The following VPS13A variants were observed in gnomAD, a reference collection of about 807,000 sequenced individuals.
VPS13A encodes the protein vacuolar protein sorting 13 homolog A, also known as intermembrane lipid transfer protein VPS13A.
VPS13A carries 264 observed loss-of-function variants against 390.9 expected under a neutral mutation model. The observed-to-expected ratio is 0.68, with a 90% confidence interval of 0.61 to 0.75. The LOEUF is 0.75. Ranked by LOEUF, VPS13A falls within the 30% of genes least tolerant of loss-of-function variation. The pLI, the probability that VPS13A is intolerant of heterozygous loss-of-function variation, is 0.00. For missense variants in VPS13A, 3,409 were observed against 3,733.9 expected, an observed-to-expected ratio of 0.91 and a Z score of 2.27; for synonymous variants, 1,231 against 1,227.1, an observed-to-expected ratio of 1.00 and a Z score of -0.07.
chr9:77,356,978 C>A, intron 55 of VPS13A, 111 bp downstream of exon 55: 1 of 1,164,750 alleles, frequency 8.6e-7, no homozygotes, highest in Non-Finnish European at 1.2e-6. Flanking sequence ...CAAAATAATC[C>A]TGTCATACAT....
chr9:77,286,956 C>T (rs1178694609), intron 31 of VPS13A, among the ~76,000 whole-genome samples: 1 of 151,960 alleles, frequency 6.6e-6, no homozygotes, highest in Non-Finnish European at 1.5e-5. Flanking sequence ...CCTGAAGTCT[C>T]CTAGACCACA....
rs1241227691 is a variant in VPS13A, at chr9:77,323,095, G to T, written c.5859G>T (p.Lys1953Asn). ...CTGTTAACCATTCTACTGCTGATAA[G>T]ATTCCTTTAACAAAAGTGGGACGAC... Reference protein sequence around the residue: ...LTPVNHSTADKIPLTKVGRRL... With the variant: ...LTPVNHSTADNIPLTKVGRRL... Residue 1953 changes from lysine to asparagine, a missense_variant, in exon 45 of 72, where the codon AAG (lysine) becomes AAT (asparagine). Transcript: ENST00000360280. 1.9e-6 allele frequency: 3 copies of T among 1,612,864 alleles called. No homozygotes were observed. The East Asian group carries it at 6.7e-5, about 36-fold the overall frequency.
chr9:77,272,244 G>A (rs181300191), intron 23 of VPS13A, among the ~76,000 whole-genome samples: 1 of 152,294 alleles, frequency 6.6e-6, no homozygotes, highest in Non-Finnish European at 1.5e-5. Context: ...GCATTGTGAG[G>A]ATATGGAGAG....
At chr9:77,214,245 C>T in intron 9 of VPS13A, 84 bp from the exon 10 acceptor site, 1 of 1,217,624 alleles carries the variant, frequency 8.2e-7, no homozygotes, top group Non-Finnish European at 1.2e-6. Context: ...CACTGCCCTC[C>T]AGCCTGGGTG....
rs755859116 is a variant in VPS13A, at chr9:77,405,959, A to G, written c.9371A>G (p.His3124Arg). ...TTTACCAAAGAGCCATTCATTGTTC[A>G]TGGGAGAAGATTGCGCATTGAAGCA... ...DEFTKEPFIVHGRRLRIEAKE... is the reference protein window; with the variant it reads ...DEFTKEPFIVRGRRLRIEAKE... The change falls in exon 70 of 72, where the codon CAT becomes CGT. Residue 3124 changes from histidine to arginine, a missense_variant. This residue lies in a region of VPS13A where 318 missense variants were observed against 333.7 expected (regional missense o/e 0.95). Coordinates refer to ENST00000360280, the MANE Select transcript of VPS13A (RefSeq NM_033305.3). The G allele has an allele frequency of 1.1e-5, 18 of 1,613,812 alleles. No homozygotes were observed. The highest frequency in any genetic ancestry group is 1.4e-5 in the Non-Finnish European group (17 of 1,179,978).
chr9:77,263,779 G>A (rs1225795650), intron 23 of VPS13A, among the ~76,000 whole-genome samples: 1 of 152,130 alleles, frequency 6.6e-6, no homozygotes, highest in East Asian at 1.9e-4. Context: ...TTTGGCTTTT[G>A]TTGCCATTGC....
chr9:77,318,084 TAAA>T (rs891276499), intron 40 of VPS13A, 148 bp from the exon 41 acceptor site: 41 of 498,220 alleles, frequency 8.2e-5, no homozygotes, highest in African/African-American at 7.6e-4. Context: ...TATGGTAATT[TAAA>T]AAATTTTATA....
intron 68 of VPS13A, among the ~76,000 whole-genome samples, chr9:77,395,008 T>A (rs1834064333): frequency 6.6e-6 from 1 of 152,232 alleles, no homozygotes; most frequent in Admixed American, 6.5e-5. Context: ...GCAATCAGGC[T>A]GTTTTGCTTT....
chr9:77,337,439 T>A lies in VPS13A; in HGVS notation c.6280T>A (p.Tyr2094Asn). ...AGATAATTTAACATCTCTATCAGTG[T>A]ATTCAGAAGATGGTTGGGATTTACC... ...EKDNLTSLSV[Y>N]SEDGWDLPYI... is the part of the protein sequence containing the mutation. Residue 2094 changes from tyrosine (Y) to asparagine (N), a missense_variant, in exon 47 of 72, where the codon TAT (tyrosine) becomes AAT (asparagine). This residue lies in a region of VPS13A where 2,717 missense variants were observed against 2,917.4 expected (regional missense o/e 0.93). Transcript: ENST00000360280. 1 of 1,613,034 alleles carries A rather than the reference T, an allele frequency of 6.2e-7. No individual in the cohort carries two copies.
Position 77,260,107 on chromosome 9 carries a change from A to G in VPS13A, c.2310A>G (p.Leu770=), listed in dbSNP as rs1305857818. The change falls in exon 23 of 72, where the codon TTA becomes TTG. Residue 770 remains leucine, a synonymous_variant. Transcript: ENST00000360280. ...ACAGATTCAAGATTTATGGAAAGTTACCTCTTATTTCTTTACGAATCTCAG... is the reference window on the plus strand; with the variant it reads ...ACAGATTCAAGATTTATGGAAAGTTGCCTCTTATTTCTTTACGAATCTCAG... The part of the protein sequence containing the change: ...RMPKFKIYGK[L]PLISLRISDK... 2.0e-6 allele frequency: 3 copies of G among 1,532,652 alleles called. No homozygotes were observed. The Admixed American group carries it at 5.0e-5, about 26-fold the overall frequency. 94.9% of individuals were successfully genotyped at this position (1,532,652 alleles called of 1,614,324 possible).
At position 77,420,205 on chromosome 9, in the gene VPS13A, C is replaced by T; in HGVS notation, c.*4199C>T. 1 of 152,176 alleles carries T rather than the reference C, an allele frequency of 6.6e-6. No individual in the cohort carries two copies. Among genetic ancestry groups the T allele is most frequent in the Middle Eastern group, 3.2e-3 (1 of 316 alleles). 9.4% of individuals were successfully genotyped at this position (152,176 alleles called of 1,614,324 possible). Reference sequence around the variant, plus strand: ...TTTTGATTCTTGTAATCTGTACTGTCAATTTTTGGCCACTCTGGCTGTTAC... The same window carrying T: ...TTTTGATTCTTGTAATCTGTACTGTTAATTTTTGGCCACTCTGGCTGTTAC... On this transcript the variant is annotated 3_prime_UTR_variant, in exon 72 of 72. Coordinates refer to ENST00000360280, the MANE Select transcript of VPS13A (RefSeq NM_033305.3).
chr9:77,228,056 T>G (rs1823620862), intron 16 of VPS13A, 66 bp from the exon 17 acceptor site: 2 of 1,206,568 alleles, frequency 1.7e-6, no homozygotes, highest in African/African-American at 3.1e-5. Flanking sequence ...GAATGTACTA[T>G]AAGAATATTT....
In VPS13A at chr9:77,277,426, A is replaced by G. The variant is rs140087359; in HGVS notation, c.2824+1205A>G. Among the ~76,000 whole-genome samples the G allele has an allele frequency of 4.3e-3, 651 of 152,328 alleles. 4 individuals carry two copies. The highest frequency in any genetic ancestry group is 0.01 in the South Asian group (50 of 4,822). ...TGTTACAACTGATGAACCTACACTG[A>G]CACATCGTAATTACCAAGAGTCCAC... is the stretch of plus-strand genomic sequence containing the variant. On this transcript the variant is annotated intron_variant, in intron 26 of 71. Transcript: ENST00000360280.
rs771004767 is a variant in VPS13A at position 77,219,998 on chromosome 9, C to T, written c.799C>T (p.Arg267Ter). 5.0e-6 allele frequency: 8 copies of T among 1,613,444 alleles called. No individual in the cohort carries two copies. The highest frequency in any genetic ancestry group is 1.7e-5 in the Admixed American group (1 of 59,988). The change falls in exon 11 of 72, where the codon CGA becomes TGA. Residue 267 changes from arginine (R) to a stop codon, truncating the protein, a stop_gained. Coordinates refer to ENST00000360280, the MANE Select transcript of VPS13A (RefSeq NM_033305.3). LOFTEE classifies it high-confidence loss of function. ...TAATGCCAAACTTGTGATGAATCGC[C>T]GATCTGATTTTGACTTTTCTGCCCC... ...SANAKLVMNR[R>*]SDFDFSAPKI... is the part of the protein sequence containing the mutation.
intron 33 of VPS13A, among the ~76,000 whole-genome samples, chr9:77,301,764 G>A (rs970019050): frequency 6.6e-6 from 1 of 151,990 alleles, no homozygotes; most frequent in South Asian, 2.1e-4. Context: ...TGCTTGGAAA[G>A]GCAAATATAG....
intron 17 of VPS13A, among the ~76,000 whole-genome samples, chr9:77,228,707 T>C (rs1020014694): frequency 6.6e-6 from 1 of 152,132 alleles, no homozygotes; most frequent in Admixed American, 6.5e-5. Context: ...TATTAGTCCA[T>C]TTTCATGCTG....
At chr9:77,318,947 G>A (rs962500791) in intron 41 of VPS13A, among the ~76,000 whole-genome samples, 4 of 151,876 alleles carry the variant, frequency 2.6e-5, no homozygotes, top group Non-Finnish European at 4.4e-5. Context: ...ATCCCAGCAC[G>A]TTGGGAGGCC....
In VPS13A at chr9:77,340,851, GA is replaced by G. The variant is rs996728784; in HGVS notation, c.7026+304del. On this transcript the variant is annotated intron_variant, in intron 50 of 71. Transcript: ENST00000360280. ...AAGATGTAAATGCACCAAAGAGAAG[GA>G]AATTACTTATTCTCTCTAGGAAGCT... 3.0e-5 allele frequency: 10 copies of G among 329,132 alleles called. No individual in the cohort carries two copies. The Admixed American group carries it at 4.0e-4, about 13-fold the overall frequency. The allele number at this position is 329,132 out of a possible 1,614,324, so 20.4% of individuals were successfully genotyped here. A position where few individuals can be genotyped will look rare whatever the true frequency, so the allele number is the denominator to read the frequency against.
chr9:77,221,930 T>C (rs1201830228), intron 13 of VPS13A, among the ~76,000 whole-genome samples: 1 of 152,164 alleles, frequency 6.6e-6, no homozygotes, highest in African/African-American at 2.4e-5. Flanking sequence ...TTAATTTTTG[T>C]GGTATCTCTA....
Sources: allele counts gnomAD v4.1 joint callset (sites outside exome capture counted in the v4.1 genomes callset), GRCh38; gene constraint gnomAD v4.1.1; regional missense constraint gnomAD v4.1.1; transcripts MANE v1.5; gene names NCBI Gene and HGNC (gene_info 2026-07-23, HGNC 2026-07-21).